Variants in ARHGAP26 observed in about 807,000 individuals in gnomAD.
ARHGAP26 encodes the protein rho GTPase-activating protein 26.
Under a neutral mutation model 104.8 loss-of-function variants are expected in ARHGAP26, and 38 were observed. That is an observed-to-expected ratio of 0.36 (90% CI 0.28 to 0.48). The LOEUF is 0.48. Ranked by LOEUF, ARHGAP26 falls within the 20% of genes least tolerant of loss-of-function variation. ARHGAP26 has a pLI of 0.99. For synonymous variants in ARHGAP26, 341 were observed against 340.0 expected (o/e 1.00, Z -0.03); for missense variants, 704 against 947.9 (o/e 0.74, Z 3.38).
rs761789569 is a variant in ARHGAP26 at position 143,228,351 on chromosome 5, G to A, written c.*5905G>A. 2.2e-5 allele frequency: 5 copies of A among 223,448 alleles called. No individual in the cohort carries two copies. The highest frequency in any genetic ancestry group is 3.6e-5 in the Non-Finnish European group (4 of 112,036). The allele number at this position is 223,448 out of a possible 1,614,324, so 13.8% of individuals were successfully genotyped here. ...TGAGCCTTTACAGCCTTTAAGACTCGGAGGTTGAGAATTAGAGACACAAGA... is the reference window on the plus strand; with the variant it reads ...TGAGCCTTTACAGCCTTTAAGACTCAGAGGTTGAGAATTAGAGACACAAGA... On this transcript the variant is annotated 3_prime_UTR_variant, in exon 23 of 23. Transcript: ENST00000645722.
intron 1 of ARHGAP26, among the ~76,000 whole-genome samples, chr5:142,855,579 A>C (rs1470745085): frequency 6.6e-6 from 1 of 152,174 alleles, no homozygotes; most frequent in East Asian, 1.9e-4. Context: ...GTGTCCATCT[A>C]TCCTGCTGGC....
intron 11 of ARHGAP26, among the ~76,000 whole-genome samples, chr5:142,997,576 A>ATTTTTTTT (rs34395064): frequency 1.7e-5 from 2 of 120,674 alleles, no homozygotes; most frequent in Non-Finnish European, 1.7e-5. Context: ...TGCCTGGCTG[A>ATTTTTTTT]TTTTTTTTTT....
intron 1 of ARHGAP26, among the ~76,000 whole-genome samples, chr5:142,779,907 T>C (rs551895880): frequency 6.6e-6 from 1 of 152,346 alleles, no homozygotes; most frequent in African/African-American, 2.4e-5. Context: ...CTTTAACTCA[T>C]AGCTATGTTT....
chr5:142,949,091 T>G (rs1767625055), intron 11 of ARHGAP26, among the ~76,000 whole-genome samples: 2 of 141,572 alleles, frequency 1.4e-5, no homozygotes, highest in South Asian at 2.2e-4. Context: ...GGTGAAAGAG[T>G]GAGACTCCGT....
At chr5:142,905,527 A>G (rs530208515) in intron 8 of ARHGAP26, among the ~76,000 whole-genome samples, 3 of 152,338 alleles carry the variant, frequency 2.0e-5, no homozygotes, top group Admixed American at 6.5e-5. Context: ...TTTAGCCACA[A>G]TGATATCATT....
chr5:142,852,288 C>T (rs1391224302), intron 1 of ARHGAP26, among the ~76,000 whole-genome samples: 1 of 152,220 alleles, frequency 6.6e-6, no homozygotes. Context: ...TTGTGGGATG[C>T]TCACATATGT....
chr5:142,925,607 C>G (rs1763796832), intron 10 of ARHGAP26, among the ~76,000 whole-genome samples: 1 of 152,192 alleles, frequency 6.6e-6, no homozygotes, highest in Non-Finnish European at 1.5e-5. Context: ...ACTTTAGAAA[C>G]AAAGGACCAC....
intron 11 of ARHGAP26, among the ~76,000 whole-genome samples, chr5:143,006,678 G>A (rs968414400): frequency 5.9e-5 from 9 of 152,190 alleles, no homozygotes; most frequent in African/African-American, 9.7e-5. Flanking sequence ...GGTGATGAGA[G>A]TCACATTTCT....
Position 143,199,909 on chromosome 5 carries a change from C to T in ARHGAP26, c.1989-7289C>T, listed in dbSNP as rs369445256. On this transcript the variant is annotated intron_variant, in intron 20 of 22. Coordinates refer to ENST00000645722, the MANE Select transcript of ARHGAP26 (RefSeq NM_001135608.3). Reference sequence around the variant, plus strand: ...AGCTACAAATCCACTACTTTCTTTTCCTCTGGGAGCAGCCATACCTTTCAA... The same window carrying T: ...AGCTACAAATCCACTACTTTCTTTTTCTCTGGGAGCAGCCATACCTTTCAA... Among the ~76,000 whole-genome samples, 6 of 152,338 alleles carry T rather than the reference C, an allele frequency of 3.9e-5. No homozygotes were observed. In the East Asian group the frequency reaches 7.7e-4, roughly 20 times the overall value.
At chr5:142,851,154 G>T (rs557500419) in intron 1 of ARHGAP26, among the ~76,000 whole-genome samples, 1 of 151,070 alleles carries the variant, frequency 6.6e-6, no homozygotes, top group South Asian at 2.1e-4. Context: ...CTGGAGTGCA[G>T]TGCATGATCT....
chr5:142,784,923 A>ATTTT (rs35315311), intron 1 of ARHGAP26, among the ~76,000 whole-genome samples: 9 of 118,132 alleles, frequency 7.6e-5, no homozygotes, highest in African/African-American at 1.1e-4. Context: ...CTTCCTTAGG[A>ATTTT]TTTTTTTTTT....
chr5:142,846,413 T>C (rs1388550688), intron 1 of ARHGAP26, among the ~76,000 whole-genome samples: 2 of 152,176 alleles, frequency 1.3e-5, no homozygotes, highest in African/African-American at 2.4e-5. Context: ...GGAATGTCTT[T>C]TGGTGTGGCC....
intron 19 of ARHGAP26, among the ~76,000 whole-genome samples, chr5:143,139,943 C>T (rs1798322005): frequency 6.6e-6 from 1 of 152,170 alleles, no homozygotes; most frequent in Non-Finnish European, 1.5e-5. Context: ...TAGATTTCTT[C>T]CAAGGGTTTG....
chr5:142,784,426 G>T (rs1026106787), intron 1 of ARHGAP26, among the ~76,000 whole-genome samples: 2 of 152,166 alleles, frequency 1.3e-5, no homozygotes, highest in African/African-American at 2.4e-5. Flanking sequence ...GCTTGAAACC[G>T]TACGTAATTT....
At chr5:142,945,221 G>T (rs2152566732) in intron 11 of ARHGAP26, among the ~76,000 whole-genome samples, 1 of 152,278 alleles carries the variant, frequency 6.6e-6, no homozygotes, top group Middle Eastern at 3.4e-3. Flanking sequence ...GCTTAGAAAA[G>T]CTCCCTGAGG....
chr5:143,057,770 G>A (rs755430598), intron 17 of ARHGAP26, 23 bp downstream of exon 17: 3 of 1,588,630 alleles, frequency 1.9e-6, no homozygotes, highest in Admixed American at 1.7e-5. Flanking sequence ...CCAATTACTA[G>A]CCTTTTTCTT....
At chr5:143,174,246 A>G (rs1803171768) in intron 20 of ARHGAP26, among the ~76,000 whole-genome samples, 1 of 152,196 alleles carries the variant, frequency 6.6e-6, no homozygotes, top group South Asian at 2.1e-4. Flanking sequence ...ACATCTCCAC[A>G]ATGGCATGCT....
chr5:143,199,589 G>T (rs754808068), intron 20 of ARHGAP26, among the ~76,000 whole-genome samples: 1 of 152,032 alleles, frequency 6.6e-6, no homozygotes, highest in Non-Finnish European at 1.5e-5. Context: ...AATCAAAGCC[G>T]CCCCCTGTTA....
At chr5:143,178,059 G>A (rs1331017703) in intron 20 of ARHGAP26, among the ~76,000 whole-genome samples, 3 of 138,372 alleles carry the variant, frequency 2.2e-5, no homozygotes, top group African/African-American at 8.2e-5. Flanking sequence ...GAGTGCAGTG[G>A]TGTAATCTCT....
Sources: gnomAD v4.1 joint callset for allele counts (sites outside exome capture counted in the v4.1 genomes callset) on GRCh38, gnomAD v4.1.1 for gene constraint, MANE v1.5 for transcripts, NCBI Gene and HGNC (gene_info 2026-07-23, HGNC 2026-07-21) for gene names.